ABCC8: variants seen among roughly 807,000 people sequenced by gnomAD.
The protein encoded by ABCC8 is ATP-binding cassette sub-family C member 8.
In ABCC8, 137 loss-of-function variants were observed where a neutral mutation model predicts 188.0. The observed-to-expected ratio is 0.73, with a 90% CI of 0.63 to 0.84. The LOEUF (loss-of-function observed/expected upper bound fraction) is 0.84. Ranked by LOEUF, ABCC8 falls within the 40% of genes least tolerant of loss-of-function variation. ABCC8 has a pLI of 0.00. For synonymous variants in ABCC8, 797 were observed against 846.5 expected (o/e 0.94, Z 1.01); for missense variants, 1,750 against 2,072.7 (o/e 0.84, Z 3.02).
intron 1 of ABCC8, among the ~76,000 whole-genome samples, chr11:17,475,952 A>G (rs1848743537): frequency 6.6e-6 from 1 of 152,194 alleles, no homozygotes; most frequent in African/African-American, 2.4e-5. Flanking sequence ...CCAACTTTGC[A>G]AGCAAGGGCG....
At chr11:17,397,992 C>T (rs1238125138) in intron 30 of ABCC8, 195 bp from the exon 31 acceptor site, 89 of 677,882 alleles carry the variant, frequency 1.3e-4, no homozygotes, top group Non-Finnish European at 1.6e-4. Flanking sequence ...CCCACAAGCT[C>T]ATGCTCCCCT....
chr11:17,433,585 T>A (rs1564932703), intron 10 of ABCC8, among the ~76,000 whole-genome samples: 1 of 152,244 alleles, frequency 6.6e-6, no homozygotes. Flanking sequence ...ATTCCCAGTC[T>A]GAGGACGGAG....
At chr11:17,421,381 G>T (rs764379710) in intron 16 of ABCC8, among the ~76,000 whole-genome samples, 1 of 152,194 alleles carries the variant, frequency 6.6e-6, no homozygotes, top group Non-Finnish European at 1.5e-5. Flanking sequence ...TCGGACAAAG[G>T]CATGTGGAAA....
intron 8 of ABCC8, among the ~76,000 whole-genome samples, chr11:17,444,762 G>T (rs1956459415): frequency 6.6e-6 from 1 of 152,324 alleles, no homozygotes; most frequent in South Asian, 2.1e-4. Flanking sequence ...TGGAGTCTGT[G>T]GCCCTGAGTT....
At position 17,470,269 on chromosome 11, in the gene ABCC8, T is replaced by C. The variant is rs769720930; in HGVS notation, c.291-47A>G. On this transcript the variant is annotated intron_variant, in intron 2 of 38. Coordinates refer to ENST00000389817, the MANE Select transcript of ABCC8 (RefSeq NM_000352.6). ...GACAGGATGGGGACATGCTAAGTAC[T>C]GCAATAGAGCAGCCCAGGCCTTGAA... is the stretch of plus-strand genomic sequence containing the variant. 83 of 1,612,658 alleles carry C rather than the reference T, an allele frequency of 5.1e-5. No individual in the cohort carries two copies. In the Admixed American group the frequency reaches 1.2e-3, roughly 22 times the overall value.
Position 17,476,710 on chromosome 11 carries a change from TGAG to T in ABCC8, c.64_66del (p.Leu22del), listed in dbSNP as rs1565001552. On this transcript the variant is annotated inframe_deletion, in exon 1 of 39. Transcript: ENST00000389817. The stretch of plus-strand genomic sequence containing the variant: ...AGCGCGTCCACAAAGCAGCCGTTGT[TGAG>T]GACCCCCTGGTCCACCCGGTAGGCG... 2 of 1,611,294 alleles carry T rather than the reference TGAG, an allele frequency of 1.2e-6. No homozygotes were observed. The highest frequency in any genetic ancestry group is 1.7e-6 in the Non-Finnish European group (2 of 1,178,910).
At chr11:17,466,714 T>TGGAGTGCAGTGGCACAATCTTGGCC (rs1564985918) in intron 3 of ABCC8, among the ~76,000 whole-genome samples, 1 of 152,128 alleles carries the variant, frequency 6.6e-6, no homozygotes, top group Non-Finnish European at 1.5e-5. Context: ...CAATCTTGGC[T>TGGAGTGCAGTGGCACAATCTTGGCC]CACTGTAGCC....
chr11:17,392,939 G>A lies in ABCC8; in HGVS notation c.*52C>T, dbSNP rs1345507008. On this transcript the variant is annotated 3_prime_UTR_variant, in exon 39 of 39. Transcript: ENST00000389817. ...AGTGATTTACAGTTAGAAAACCCAG[G>A]CAGGGGTATGGGCAGGGTCCGAATG... is the stretch of plus-strand genomic sequence containing the variant. 1.3e-5 allele frequency: 21 copies of A among 1,575,226 alleles called. No homozygotes were observed. In the Admixed American group the frequency reaches 3.2e-4, roughly 24 times the overall value.
intron 16 of ABCC8, among the ~76,000 whole-genome samples, chr11:17,424,289 G>T (rs1432799408): frequency 6.6e-6 from 1 of 152,082 alleles, no homozygotes; most frequent in Non-Finnish European, 1.5e-5. Flanking sequence ...TAACAAACCT[G>T]CACACTCTGC....
At chr11:17,432,396 C>A in intron 10 of ABCC8, 152 bp from the exon 11 acceptor site, 1 of 1,469,534 alleles carries the variant, frequency 6.8e-7, no homozygotes. Context: ...AGCCCTGTGG[C>A]ACTTCCAGTT....
At chr11:17,397,608 C>T (rs1325811671) in intron 31 of ABCC8, 76 bp downstream of exon 31, 1 of 1,537,362 alleles carries the variant, frequency 6.5e-7, no homozygotes, top group East Asian at 2.4e-5. Flanking sequence ...GGGAGTGTCT[C>T]ATGTCTCCAG....
At chr11:17,462,129 A>G (rs1210185570) in intron 4 of ABCC8, among the ~76,000 whole-genome samples, 2 of 152,042 alleles carry the variant, frequency 1.3e-5, no homozygotes, top group Non-Finnish European at 2.9e-5. Flanking sequence ...TTCTCCACAG[A>G]TCTAAGGATA....
chr11:17,419,589 T>G (rs1272661509), intron 16 of ABCC8, among the ~76,000 whole-genome samples: 1 of 152,264 alleles, frequency 6.6e-6, no homozygotes. Context: ...TGTGTATCTT[T>G]TCTAATGTAA....
chr11:17,413,608 T>C, intron 19 of ABCC8, 130 bp from the exon 20 acceptor site: 1 of 1,579,600 alleles, frequency 6.3e-7, no homozygotes, highest in Non-Finnish European at 8.6e-7. Context: ...GCCTCCCGCT[T>C]GGGTGCAAGC....
At position 17,448,207 on chromosome 11, in the gene ABCC8, C is replaced by T. The variant is rs113208965; in HGVS notation, c.1332+309G>A. On this transcript the variant is annotated intron_variant, in intron 8 of 38. Transcript: ENST00000389817. The stretch of plus-strand genomic sequence containing the variant: ...TCATGTAATCTTCCTGCCTCAGCCT[C>T]CCAAAGTGCTGGGATTACAGGTGTG... 16,398 of 378,976 alleles carry T rather than the reference C, an allele frequency of 0.043. 446 individuals are homozygous for T. The highest frequency in any genetic ancestry group is 0.065 in the South Asian group (2,629 of 40,192). The allele number at this position is 378,976 out of a possible 1,614,324, so 23.5% of individuals were successfully genotyped here. A position where few individuals can be genotyped will look rare whatever the true frequency, so the allele number is the denominator to read the frequency against.
chr11:17,410,743 T>G, intron 21 of ABCC8, 90 bp from the exon 22 acceptor site: 1 of 1,567,200 alleles, frequency 6.4e-7, no homozygotes, highest in South Asian at 1.1e-5. Context: ...TAGAGTTCTA[T>G]CAACTCTGCT....
chr11:17,435,774 C>A, intron 10 of ABCC8: 2 of 1,339,476 alleles, frequency 1.5e-6, no homozygotes, highest in East Asian at 4.6e-5. Flanking sequence ...CTAGGTCCCA[C>A]ATCAAGTGTC....
intron 12 of ABCC8, 130 bp from the exon 13 acceptor site, chr11:17,428,800 A>C (rs1364512218): frequency 6.6e-7 from 1 of 1,515,182 alleles, no homozygotes; most frequent in Non-Finnish European, 8.8e-7. Context: ...CCCACACTGA[A>C]GGGGGCAGAC....
At position 17,463,361 on chromosome 11, in the gene ABCC8, G is replaced by A. The variant is rs548330441; in HGVS notation, c.579+77C>T. The A allele has an allele frequency of 1.9e-5, 23 of 1,231,090 alleles. No homozygotes were observed. In the Admixed American group the frequency reaches 3.2e-4, roughly 17 times the overall value. The allele number at this position is 1,231,090 out of a possible 1,614,324, so 76.3% of individuals were successfully genotyped here. On this transcript the variant is annotated intron_variant, in intron 4 of 38. Transcript: ENST00000389817. ...TCTCAGTTTGGCTGAGAAGCAGGGT[G>A]GGGGCCTGAACCCAGGGCAGGACAG...
Sources: allele counts gnomAD v4.1 joint callset (sites outside exome capture counted in the v4.1 genomes callset), GRCh38; gene constraint gnomAD v4.1.1; transcripts MANE v1.5; gene names NCBI Gene and HGNC (gene_info 2026-07-23, HGNC 2026-07-21).